CLEC16A: variants seen among roughly 807,000 people sequenced by gnomAD.
The protein encoded by CLEC16A is C-type lectin domain containing 16A.
A neutral mutation model predicts 109.5 loss-of-function variants in CLEC16A; 51 were observed. That is an observed-to-expected ratio of 0.47 (90% CI 0.37 to 0.59). The LOEUF is 0.59. CLEC16A is among the 20% of genes least tolerant of loss of function. CLEC16A has a pLI of 0.00. For missense variants in CLEC16A, 1,339 were observed against 1,394.0 expected, an observed-to-expected ratio of 0.96 and a Z score of 0.63; for synonymous variants, 673 against 564.2, an observed-to-expected ratio of 1.19 and a Z score of -2.73.
rs1432107150 is a variant in CLEC16A at position 11,022,592 on chromosome 16, A to C, written c.1437-2229A>C. Among the ~76,000 whole-genome samples the C allele has an allele frequency of 2.0e-5, 3 of 152,080 alleles. No homozygotes were observed. The East Asian group carries it at 5.8e-4, about 29-fold the overall frequency. On this transcript the variant is annotated intron_variant, in intron 12 of 23. Coordinates refer to ENST00000409790, the MANE Select transcript of CLEC16A (RefSeq NM_015226.3). ...CCCATATATTATGGGCTCTGTCTGC[A>C]CTGGGGGTTAAATATAGGCCTAAGA... is the stretch of plus-strand genomic sequence containing the variant.
intron 8 of CLEC16A, among the ~76,000 whole-genome samples, chr16:10,978,716 G>A (rs1227687615): frequency 7.2e-5 from 11 of 152,198 alleles, no homozygotes; most frequent in Admixed American, 7.2e-4. Flanking sequence ...TTTACCAGAG[G>A]CAGCTCTGGG....
chr16:11,155,997 T>C (rs569716894), intron 22 of CLEC16A, among the ~76,000 whole-genome samples: 1 of 152,174 alleles, frequency 6.6e-6, no homozygotes, highest in Non-Finnish European at 1.5e-5. Context: ...ATACACACTG[T>C]ACGGCCTCCC....
chr16:11,084,486 C>T (rs529141955), intron 19 of CLEC16A, among the ~76,000 whole-genome samples: 58 of 152,120 alleles, frequency 3.8e-4, no homozygotes, highest in African/African-American at 1.4e-3. Flanking sequence ...GGGTCCGAGC[C>T]CACAAATGAG....
At chr16:11,037,567 G>A (rs1387597454) in intron 13 of CLEC16A, among the ~76,000 whole-genome samples, 2 of 152,310 alleles carry the variant, frequency 1.3e-5, no homozygotes, top group South Asian at 2.1e-4. Context: ...AGACGGAGGG[G>A]CAATGATAGG....
intron 22 of CLEC16A, among the ~76,000 whole-genome samples, chr16:11,133,469 T>C (rs570250059): frequency 6.6e-6 from 1 of 152,234 alleles, no homozygotes; most frequent in Admixed American, 6.5e-5. Flanking sequence ...CACTTAATAG[T>C]TCCGTGGAAA....
rs200702628 is a variant in CLEC16A, at chr16:11,179,251, A to G, written c.*561A>G. On this transcript the variant is annotated 3_prime_UTR_variant, in exon 24 of 24. Coordinates refer to ENST00000409790, the MANE Select transcript of CLEC16A (RefSeq NM_015226.3). ...GAAAAGTGTAATAATAACAGTTAAGATTTCATGATCATTTTCACTGGACCT... is the reference window on the plus strand; with the variant it reads ...GAAAAGTGTAATAATAACAGTTAAGGTTTCATGATCATTTTCACTGGACCT... 1 of 152,336 alleles carries G rather than the reference A, an allele frequency of 6.6e-6. No individual in the cohort carries two copies. The highest frequency in any genetic ancestry group is 1.5e-5 in the Non-Finnish European group (1 of 68,152). 9.4% of individuals were successfully genotyped at this position (152,336 alleles called of 1,614,324 possible).
intron 11 of CLEC16A, among the ~76,000 whole-genome samples, chr16:11,016,391 C>T (rs948511970): frequency 6.6e-6 from 1 of 151,018 alleles, no homozygotes; most frequent in Admixed American, 6.6e-5. Flanking sequence ...CTCTGTCACC[C>T]AGGCTGGAGT....
At chr16:11,060,339 G>A (rs2048413810) in intron 18 of CLEC16A, among the ~76,000 whole-genome samples, 1 of 152,024 alleles carries the variant, frequency 6.6e-6, no homozygotes, top group Non-Finnish European at 1.5e-5. Flanking sequence ...ACCCAGGGTA[G>A]GATTTTCCTC....
intron 19 of CLEC16A, among the ~76,000 whole-genome samples, chr16:11,079,513 C>T (rs574943115): frequency 2.6e-5 from 4 of 152,322 alleles, no homozygotes; most frequent in Admixed American, 2.0e-4. Context: ...ACTTTCTTTC[C>T]TTTTCCTTCC....
chr16:10,975,471 G>C (rs941315419), intron 7 of CLEC16A, among the ~76,000 whole-genome samples: 1 of 152,168 alleles, frequency 6.6e-6, no homozygotes, highest in East Asian at 1.9e-4. Flanking sequence ...ATTAAAAAGT[G>C]AGGCACTTTA....
chr16:11,162,274 C>T (rs2054749676), intron 22 of CLEC16A, among the ~76,000 whole-genome samples: 1 of 152,162 alleles, frequency 6.6e-6, no homozygotes, highest in African/African-American at 2.4e-5. Context: ...GGCATAGTTT[C>T]CCCCCACTGT....
intron 19 of CLEC16A, among the ~76,000 whole-genome samples, chr16:11,090,031 C>G (rs868410345): frequency 2.0e-5 from 3 of 152,198 alleles, no homozygotes; most frequent in African/African-American, 7.2e-5. Flanking sequence ...TTAGACATTC[C>G]TAACTCTGCT....
At chr16:11,100,298 C>T (rs2050843515) in intron 19 of CLEC16A, among the ~76,000 whole-genome samples, 1 of 152,220 alleles carries the variant, frequency 6.6e-6, no homozygotes, top group African/African-American at 2.4e-5. Context: ...TCCTGTCTCT[C>T]TTTCACCTTT....
intron 1 of CLEC16A, among the ~76,000 whole-genome samples, chr16:10,952,710 A>C (rs1333722514): frequency 2.6e-5 from 4 of 152,224 alleles, no homozygotes; most frequent in African/African-American, 9.6e-5. Flanking sequence ...GTGGGACAGA[A>C]AGACGAGCAA....
At chr16:11,149,572 G>T (rs192302641) in intron 22 of CLEC16A, among the ~76,000 whole-genome samples, 130 of 152,158 alleles carry the variant, frequency 8.5e-4, no homozygotes, top group Non-Finnish European at 5.9e-4. Context: ...CAGGCAGATT[G>T]CCTGAGCTCA....
At chr16:11,147,900 A>G (rs2054132718) in intron 22 of CLEC16A, among the ~76,000 whole-genome samples, 1 of 152,214 alleles carries the variant, frequency 6.6e-6, no homozygotes, top group African/African-American at 2.4e-5. Context: ...TAATTTGGAA[A>G]CCTTGATGCA....
intron 19 of CLEC16A, among the ~76,000 whole-genome samples, chr16:11,062,851 CT>C (rs1216861552): frequency 8.2e-6 from 1 of 121,882 alleles, no homozygotes; most frequent in Non-Finnish European, 1.6e-5. Context: ...ATAAACCAGT[CT>C]TTCTCTGATT....
intron 1 of CLEC16A, among the ~76,000 whole-genome samples, chr16:10,947,843 ATTAT>A (rs1209108896): frequency 6.6e-6 from 1 of 152,142 alleles, no homozygotes; most frequent in Admixed American, 6.5e-5. Flanking sequence ...AGTTAAAAGA[ATTAT>A]TTATTTATTA....
At chr16:11,004,812 C>A (rs188259401) in intron 11 of CLEC16A, among the ~76,000 whole-genome samples, 159 of 151,692 alleles carry the variant, frequency 1.0e-3, no homozygotes, top group African/African-American at 3.6e-3. Flanking sequence ...CCTCTTATTT[C>A]TGTTTAAAGT....
Sources: allele counts gnomAD v4.1 joint callset (sites outside exome capture counted in the v4.1 genomes callset), GRCh38; gene constraint gnomAD v4.1.1; transcripts MANE v1.5; gene names NCBI Gene and HGNC (gene_info 2026-07-23, HGNC 2026-07-21).